The following PITPNC1 variants were observed in gnomAD, a reference collection of about 807,000 sequenced individuals.
The protein encoded by PITPNC1 is cytoplasmic phosphatidylinositol transfer protein 1.
In PITPNC1, 18 loss-of-function variants were observed where a neutral mutation model predicts 44.7. That is an observed-to-expected ratio of 0.40 (90% CI 0.28 to 0.60). PITPNC1 has a LOEUF of 0.60. PITPNC1 is among the 20% of genes least tolerant of loss of function. PITPNC1 has a pLI of 0.39. For missense variants in PITPNC1, 290 were observed against 418.4 expected, an observed-to-expected ratio of 0.69 and a Z score of 2.68; for synonymous variants, 141 against 149.6, an observed-to-expected ratio of 0.94 and a Z score of 0.42.
At chr17:67,421,390 C>T (rs2038671369) in intron 1 of PITPNC1, among the ~76,000 whole-genome samples, 1 of 152,220 alleles carries the variant, frequency 6.6e-6, no homozygotes, top group Admixed American at 6.5e-5. Context: ...TCAAGCGATT[C>T]TCCTGCCTCA....
At chr17:67,422,514 C>T (rs2038685118) in intron 1 of PITPNC1, among the ~76,000 whole-genome samples, 1 of 152,146 alleles carries the variant, frequency 6.6e-6, no homozygotes, top group African/African-American at 2.4e-5. Context: ...AGCCACCACA[C>T]CCACCTGCCC....
At chr17:67,528,650 C>T (rs946760759) in intron 1 of PITPNC1, among the ~76,000 whole-genome samples, 2 of 152,204 alleles carry the variant, frequency 1.3e-5, no homozygotes, top group Non-Finnish European at 2.9e-5. Context: ...ACATTTACAG[C>T]TGAGCAAGTG....
intron 5 of PITPNC1, among the ~76,000 whole-genome samples, chr17:67,582,745 T>C (rs1165359985): frequency 2.0e-5 from 3 of 152,204 alleles, no homozygotes; most frequent in Non-Finnish European, 2.9e-5. Context: ...ATGCACATAC[T>C]TATGAGAATT....
intron 6 of PITPNC1, among the ~76,000 whole-genome samples, chr17:67,646,289 G>A (rs1315738269): frequency 2.6e-5 from 4 of 152,182 alleles, no homozygotes; most frequent in Non-Finnish European, 4.4e-5. Context: ...CTGACAGAGC[G>A]ATTGTCTGCT....
intron 6 of PITPNC1, among the ~76,000 whole-genome samples, chr17:67,652,418 A>G (rs1181274056): frequency 1.3e-5 from 2 of 152,096 alleles, no homozygotes; most frequent in Non-Finnish European, 2.9e-5. Flanking sequence ...GGCTGATCCT[A>G]TAGAGTGGAC....
intron 5 of PITPNC1, among the ~76,000 whole-genome samples, chr17:67,588,994 C>CT (rs2041356371): frequency 6.6e-6 from 1 of 152,320 alleles, no homozygotes; most frequent in African/African-American, 2.4e-5. Context: ...GCAATTTTCT[C>CT]TAATAAGTCA....
chr17:67,472,793 G>T (rs2039563136), intron 1 of PITPNC1, among the ~76,000 whole-genome samples: 1 of 152,144 alleles, frequency 6.6e-6, no homozygotes, highest in Admixed American at 6.6e-5. Flanking sequence ...AGTCACTCAG[G>T]GGAGGGAGAT....
chr17:67,392,986 C>T (rs577426169), intron 1 of PITPNC1, among the ~76,000 whole-genome samples: 8 of 151,874 alleles, frequency 5.3e-5, no homozygotes, highest in African/African-American at 9.7e-5. Context: ...AAAAGTTAGC[C>T]GGGCATGGTG....
intron 5 of PITPNC1, among the ~76,000 whole-genome samples, chr17:67,596,935 C>A (rs2041468166): frequency 6.6e-6 from 1 of 151,988 alleles, no homozygotes; most frequent in African/African-American, 2.4e-5. Context: ...CCTCTATCAC[C>A]CAGGCCGTAG....
At chr17:67,567,654 A>C (rs1294025011) in intron 4 of PITPNC1, among the ~76,000 whole-genome samples, 1 of 151,884 alleles carries the variant, frequency 6.6e-6, no homozygotes, top group Non-Finnish European at 1.5e-5. Flanking sequence ...GTGATCAGCA[A>C]TTCCACTCTA....
intron 6 of PITPNC1, among the ~76,000 whole-genome samples, chr17:67,668,151 C>G (rs1027443459): frequency 1.3e-5 from 2 of 152,156 alleles, no homozygotes; most frequent in Non-Finnish European, 2.9e-5. Context: ...GCCCCCACCC[C>G]CAAAGAGATT....
At chr17:67,437,773 T>A (rs1172411250) in intron 1 of PITPNC1, among the ~76,000 whole-genome samples, 1 of 151,984 alleles carries the variant, frequency 6.6e-6, no homozygotes, top group African/African-American at 2.4e-5. Flanking sequence ...AATGAATGAA[T>A]GAAAGGGCCC....
intron 5 of PITPNC1, among the ~76,000 whole-genome samples, chr17:67,616,057 T>C (rs972636193): frequency 6.6e-6 from 1 of 152,198 alleles, no homozygotes; most frequent in African/African-American, 2.4e-5. Flanking sequence ...ACAGCCTCTT[T>C]AGTAAATGAA....
At position 67,695,889 on chromosome 17, in the gene PITPNC1, A is replaced by T. The variant is rs1257174198; in HGVS notation, c.*3001A>T. 6.6e-6 allele frequency: 1 copy of T among 152,090 alleles called. No individual in the cohort carries two copies. The highest frequency in any genetic ancestry group is 1.9e-4 in the East Asian group (1 of 5,194). 9.4% of individuals were successfully genotyped at this position (152,090 alleles called of 1,614,324 possible). On this transcript the variant is annotated 3_prime_UTR_variant, in exon 9 of 9. Transcript: ENST00000581322. ...TCCTGGGATGAGAAGATCTTGGTGTATTTAACACATAAGCTTTGTTAGAAA... is the reference window on the plus strand; with the variant it reads ...TCCTGGGATGAGAAGATCTTGGTGTTTTTAACACATAAGCTTTGTTAGAAA...
intron 1 of PITPNC1, among the ~76,000 whole-genome samples, chr17:67,487,801 C>T (rs7209932): frequency 0.031 from 4,756 of 152,216 alleles, 144 homozygotes; most frequent in African/African-American, 0.079. Context: ...TTTAGATGCA[C>T]GGCCAGAGTT....
intron 5 of PITPNC1, among the ~76,000 whole-genome samples, chr17:67,609,156 A>T (rs1378535930): frequency 6.7e-6 from 1 of 149,762 alleles, no homozygotes; most frequent in Non-Finnish European, 1.5e-5. Context: ...GCCACTGTGC[A>T]CAGCCTTCCC....
At chr17:67,429,244 C>A (rs1347451709) in intron 1 of PITPNC1, among the ~76,000 whole-genome samples, 1 of 152,040 alleles carries the variant, frequency 6.6e-6, no homozygotes, top group African/African-American at 2.4e-5. Context: ...CATGTATTGA[C>A]CAGGTAAAAT....
chr17:67,577,703 A>G (rs1031326775), intron 4 of PITPNC1, among the ~76,000 whole-genome samples: 4 of 152,024 alleles, frequency 2.6e-5, no homozygotes, highest in African/African-American at 9.7e-5. Context: ...AAAATTAAAA[A>G]TAAAAGCCAG....
intron 6 of PITPNC1, among the ~76,000 whole-genome samples, chr17:67,655,434 C>T (rs1471406215): frequency 2.6e-5 from 4 of 151,900 alleles, no homozygotes; most frequent in African/African-American, 9.7e-5. Context: ...GTGGCAGGCG[C>T]CTGTGGTCCC....
Sources: allele counts gnomAD v4.1 joint callset (sites outside exome capture counted in the v4.1 genomes callset), GRCh38; gene constraint gnomAD v4.1.1; transcripts MANE v1.5; gene names NCBI Gene and HGNC (gene_info 2026-07-23, HGNC 2026-07-21).